Variants in GNG12 observed in about 807,000 individuals in gnomAD.
GNG12 encodes guanine nucleotide-binding protein G(I)/G(S)/G(O) subunit gamma-12.
For synonymous variants in GNG12, 28 were observed against 29.7 expected (o/e 0.94, Z 0.19); for missense variants, 69 against 83.8 (o/e 0.82, Z 0.69).
chr1:67,765,751 T>C (rs1420435544), intron 2 of GNG12, among the ~76,000 whole-genome samples: 1 of 152,218 alleles, frequency 6.6e-6, no homozygotes, highest in Non-Finnish European at 1.5e-5. Flanking sequence ...ACGATGCGAA[T>C]AAACTAGCAG....
intron 1 of GNG12, among the ~76,000 whole-genome samples, chr1:67,831,992 T>G (rs1284886091): frequency 6.6e-6 from 1 of 151,936 alleles, no homozygotes; most frequent in African/African-American, 2.4e-5. Flanking sequence ...AAAGCCAAAC[T>G]CCGCTTTTAA....
chr1:67,798,263 G>A (rs971950180), intron 1 of GNG12, among the ~76,000 whole-genome samples: 3 of 152,096 alleles, frequency 2.0e-5, no homozygotes, highest in African/African-American at 4.8e-5. Context: ...TAGGAAGCAC[G>A]AACCCTATGG....
intron 2 of GNG12, among the ~76,000 whole-genome samples, chr1:67,755,970 C>CA (rs1646565592): frequency 6.6e-6 from 1 of 151,874 alleles, no homozygotes; most frequent in African/African-American, 2.4e-5. Flanking sequence ...TACAGTGAAG[C>CA]AAAAAAATAA....
chr1:67,705,560 G>A lies in GNG12; in HGVS notation c.110C>T (p.Ala37Val), dbSNP rs765594443. The change falls in exon 4 of 4, where the codon GCG (alanine) becomes GTG (valine). Residue 37 changes from alanine (A) to valine (V), a missense_variant. Physicochemically the swap from Ala to Val is moderately conservative, Grantham distance 64. Coordinates refer to ENST00000370982, the MANE Select transcript of GNG12 (RefSeq NM_018841.6). ...IERIKVSKAS[A>V]DLMSYCEEHA... ...TTCCTCACAGTAGGACATGAGGTCC[G>A]CTGATGCCTTCGAAACCTGACATGG... is the stretch of plus-strand genomic sequence containing the variant. 7.5e-6 allele frequency: 12 copies of A among 1,607,776 alleles called. No individual in the cohort carries two copies. The highest frequency in any genetic ancestry group is 2.2e-5 in the East Asian group (1 of 44,814).
intron 2 of GNG12, among the ~76,000 whole-genome samples, chr1:67,725,768 T>C (rs914941713): frequency 2.0e-5 from 3 of 152,246 alleles, no homozygotes; most frequent in Admixed American, 6.5e-5. Context: ...GTTTATACTT[T>C]AGTTCACTGA....
Position 67,705,232 on chromosome 1 carries a change from C to A in GNG12, c.*219G>T. 1.9e-6 allele frequency: 1 copy of A among 523,538 alleles called. No homozygotes were observed. Among genetic ancestry groups the A allele is most frequent in the Non-Finnish European group, 2.9e-6 (1 of 349,680 alleles). 32.4% of individuals were successfully genotyped at this position (523,538 alleles called of 1,614,324 possible). A position where few individuals can be genotyped will look rare whatever the true frequency, so the allele number is the denominator to read the frequency against. On this transcript the variant is annotated 3_prime_UTR_variant, in exon 4 of 4. Transcript: ENST00000370982. ...TAACCCAACATAAAGCCATAGTTAC[C>A]AAGTGGAAAATAAGATTGTTATTCT... is the stretch of plus-strand genomic sequence containing the variant.
intron 2 of GNG12, among the ~76,000 whole-genome samples, chr1:67,763,510 C>A (rs867723256): frequency 1.3e-5 from 2 of 151,618 alleles, no homozygotes; most frequent in African/African-American, 2.4e-5. Context: ...GGTAGGGATA[C>A]CACAGAAATA....
intron 1 of GNG12, chr1:67,832,546 G>C (rs1423558514): frequency 6.6e-6 from 1 of 151,940 alleles, no homozygotes; most frequent in Non-Finnish European, 1.5e-5. Context: ...TAATTGATAT[G>C]CCCTAATTAA....
chr1:67,739,286 G>T (rs1035183826), intron 2 of GNG12, among the ~76,000 whole-genome samples: 5 of 152,164 alleles, frequency 3.3e-5, no homozygotes, highest in Non-Finnish European at 7.3e-5. Context: ...TGTGGCATTC[G>T]CCATCTCTAA....
At chr1:67,815,737 GC>G (rs1385801858) in intron 1 of GNG12, among the ~76,000 whole-genome samples, 10 of 152,254 alleles carry the variant, frequency 6.6e-5, no homozygotes, top group Admixed American at 1.3e-4. Context: ...GGCTCAGAGG[GC>G]CGGCATGAGG....
intron 1 of GNG12, among the ~76,000 whole-genome samples, chr1:67,800,704 GTGA>G (rs1448748850): frequency 1.3e-5 from 2 of 152,142 alleles, no homozygotes; most frequent in Non-Finnish European, 1.5e-5. Context: ...TTTTGAGTGT[GTGA>G]TGATAAGGGA....
intron 2 of GNG12, among the ~76,000 whole-genome samples, chr1:67,715,749 A>G (rs1056672295): frequency 6.6e-6 from 1 of 152,148 alleles, no homozygotes; most frequent in African/African-American, 2.4e-5. Context: ...TCTTTATTGA[A>G]GCTCATTCTG....
At chr1:67,795,827 T>C (rs1366859089) in intron 1 of GNG12, among the ~76,000 whole-genome samples, 1 of 152,208 alleles carries the variant, frequency 6.6e-6, no homozygotes, top group Non-Finnish European at 1.5e-5. Context: ...AAGGGCAACA[T>C]GAACCAAGGT....
At chr1:67,787,168 A>C (rs1324331087) in intron 1 of GNG12, among the ~76,000 whole-genome samples, 1 of 151,816 alleles carries the variant, frequency 6.6e-6, no homozygotes, top group Non-Finnish European at 1.5e-5. Flanking sequence ...AGTAAGTACA[A>C]CTAACTCTGA....
chr1:67,707,780 T>C (rs918377163), intron 2 of GNG12, 68 bp from the exon 3 acceptor site: 2 of 767,580 alleles, frequency 2.6e-6, no homozygotes, highest in Non-Finnish European at 2.1e-6. Context: ...CATAATAATA[T>C]GTTCTACTTA....
rs985508744 is a variant in GNG12 at position 67,707,729 on chromosome 1, T to C, written c.-26-17A>G. 1.5e-6 allele frequency: 2 copies of C among 1,348,452 alleles called. No homozygotes were observed. The highest frequency in any genetic ancestry group is 2.1e-6 in the Non-Finnish European group (2 of 963,750). The allele number at this position is 1,348,452 out of a possible 1,614,324, so 83.5% of individuals were successfully genotyped here. A position where few individuals can be genotyped will look rare whatever the true frequency, so the allele number is the denominator to read the frequency against. Reference sequence around the variant, plus strand: ...ACCTGAAATCTGAGGAGAATTTTTTTTAAAGACAAGTAACAGGCATCTTTA... The same window carrying C: ...ACCTGAAATCTGAGGAGAATTTTTTCTAAAGACAAGTAACAGGCATCTTTA... On this transcript the variant is annotated splice_polypyrimidine_tract_variant and intron_variant, in intron 2 of 3. Transcript: ENST00000370982.
intron 1 of GNG12, among the ~76,000 whole-genome samples, chr1:67,793,562 G>C (rs988021107): frequency 1.3e-5 from 2 of 151,426 alleles, no homozygotes; most frequent in African/African-American, 2.4e-5. Context: ...TACAAATCTG[G>C]CCTCCTAGAA....
At chr1:67,787,036 A>AGTGTGTGTGTGTGTGT (rs56084524) in intron 1 of GNG12, among the ~76,000 whole-genome samples, 7 of 131,368 alleles carry the variant, frequency 5.3e-5, no homozygotes, top group South Asian at 5.3e-4. Context: ...TATGTGTATA[A>AGTGTGTGTGTGTGTGT]GTGTGTGTGT....
At chr1:67,739,840 A>G (rs560687495) in intron 2 of GNG12, among the ~76,000 whole-genome samples, 7 of 152,372 alleles carry the variant, frequency 4.6e-5, no homozygotes, top group African/African-American at 1.7e-4. Context: ...CTGTGAAACT[A>G]GAACTCCACA....
Sources: gnomAD v4.1 joint callset for allele counts (sites outside exome capture counted in the v4.1 genomes callset) on GRCh38, gnomAD v4.1.1 for gene constraint, MANE v1.5 for transcripts, NCBI Gene and HGNC (gene_info 2026-07-23, HGNC 2026-07-21) for gene names.